ST6GALNAC3: variants seen among roughly 807,000 people sequenced by gnomAD.
ST6GALNAC3 encodes ST6 N-acetylgalactosaminide alpha-2,6-sialyltransferase 3.
Under a neutral mutation model 32.7 loss-of-function variants are expected in ST6GALNAC3, and 25 were observed. The ratio of observed to expected loss-of-function variants is 0.76; its 90% CI spans 0.56 to 1.07. The LOEUF is 1.07. ST6GALNAC3 is among the 50% of genes least tolerant of loss of function. The pLI is 0.00. For missense variants in ST6GALNAC3, 355 were observed against 382.4 expected (o/e 0.93, Z 0.60); for synonymous variants, 129 against 133.1 (o/e 0.97, Z 0.21).
chr1:76,079,036 C>T (rs1646854639), intron 1 of ST6GALNAC3, among the ~76,000 whole-genome samples: 1 of 152,160 alleles, frequency 6.6e-6, no homozygotes, highest in Admixed American at 6.5e-5. Context: ...TGTGCCTTGG[C>T]CTCCCAAAGT....
Position 76,631,125 on chromosome 1 carries a change from A to G in ST6GALNAC3, c.*2319A>G. 3 of 732,528 alleles carry G rather than the reference A, an allele frequency of 4.1e-6. No individual in the cohort carries two copies. The highest frequency in any genetic ancestry group is 5.0e-6 in the Non-Finnish European group (3 of 599,518). The allele number at this position is 732,528 out of a possible 1,614,324, so 45.4% of individuals were successfully genotyped here. ...TATATTGTATCCCTCACTCTATAGC[A>G]GAAGGTGTGTGTGGAATATGTAGAC... On this transcript the variant is annotated 3_prime_UTR_variant, in exon 5 of 5. Coordinates refer to ENST00000328299, the MANE Select transcript of ST6GALNAC3 (RefSeq NM_152996.4).
intron 1 of ST6GALNAC3, among the ~76,000 whole-genome samples, chr1:76,190,403 C>A (rs989689415): frequency 6.6e-6 from 1 of 152,086 alleles, no homozygotes; most frequent in East Asian, 1.9e-4. Flanking sequence ...TTGGAGCATA[C>A]GCCCAGATGC....
intron 3 of ST6GALNAC3, among the ~76,000 whole-genome samples, chr1:76,593,791 A>T (rs1348694357): frequency 2.6e-5 from 4 of 152,138 alleles, no homozygotes; most frequent in Non-Finnish European, 5.9e-5. Context: ...AAGCACTCAC[A>T]CTGGCATCTA....
At chr1:76,344,270 T>G (rs909997433) in intron 2 of ST6GALNAC3, among the ~76,000 whole-genome samples, 7 of 152,192 alleles carry the variant, frequency 4.6e-5, no homozygotes, top group Non-Finnish European at 2.9e-5. Context: ...CTGGCTCTTC[T>G]GGGAAGACAT....
intron 1 of ST6GALNAC3, among the ~76,000 whole-genome samples, chr1:76,204,865 C>T (rs1654733344): frequency 6.6e-6 from 1 of 152,104 alleles, no homozygotes; most frequent in Non-Finnish European, 1.5e-5. Context: ...GTACCAATAG[C>T]CTTGGATTCT....
intron 2 of ST6GALNAC3, among the ~76,000 whole-genome samples, chr1:76,326,726 G>A (rs1647077506): frequency 6.7e-6 from 1 of 150,324 alleles, no homozygotes; most frequent in African/African-American, 2.4e-5. Context: ...AATGATATGT[G>A]TAACTATTTT....
chr1:76,465,646 C>T (rs1482905141), intron 3 of ST6GALNAC3, among the ~76,000 whole-genome samples: 2 of 151,998 alleles, frequency 1.3e-5, no homozygotes, highest in Non-Finnish European at 2.9e-5. Flanking sequence ...TCATATTAGC[C>T]AAACACTGAG....
At chr1:76,087,313 C>A (rs1013252379) in intron 1 of ST6GALNAC3, among the ~76,000 whole-genome samples, 1 of 152,186 alleles carries the variant, frequency 6.6e-6, no homozygotes, top group South Asian at 2.1e-4. Flanking sequence ...ATCCACTATA[C>A]ATTATTTCAG....
chr1:76,496,987 A>T (rs1660889557), intron 3 of ST6GALNAC3, among the ~76,000 whole-genome samples: 1 of 152,130 alleles, frequency 6.6e-6, no homozygotes, highest in Admixed American at 6.6e-5. Flanking sequence ...AAAGTTGAAA[A>T]TTTTGGTATT....
chr1:76,459,507 T>A (rs1658126491), intron 3 of ST6GALNAC3, among the ~76,000 whole-genome samples: 1 of 150,240 alleles, frequency 6.7e-6, no homozygotes, highest in Non-Finnish European at 1.5e-5. Flanking sequence ...GAGCTTGCAG[T>A]GAGTGGAGAT....
chr1:76,412,965 T>C, intron 3 of ST6GALNAC3: 1 of 356,282 alleles, frequency 2.8e-6, no homozygotes, highest in Non-Finnish European at 5.5e-6. Flanking sequence ...TATACGTCCC[T>C]TAAAATCATT....
At chr1:76,529,301 T>C (rs1663106942) in intron 3 of ST6GALNAC3, among the ~76,000 whole-genome samples, 2 of 152,152 alleles carry the variant, frequency 1.3e-5, no homozygotes, top group Non-Finnish European at 1.5e-5. Flanking sequence ...GTCGACCAAG[T>C]ATTTAGATAC....
intron 1 of ST6GALNAC3, chr1:76,310,073 C>T: frequency 6.7e-6 from 3 of 448,902 alleles, no homozygotes; most frequent in South Asian, 3.2e-5. Flanking sequence ...ATATAGCAAC[C>T]AAGAGAACCA....
chr1:76,425,391 C>T (rs1028625063), intron 3 of ST6GALNAC3, among the ~76,000 whole-genome samples: 8 of 151,950 alleles, frequency 5.3e-5, no homozygotes, highest in Non-Finnish European at 8.8e-5. Context: ...CCCTCACCCG[C>T]GTACACTCAC....
intron 1 of ST6GALNAC3, among the ~76,000 whole-genome samples, chr1:76,075,959 G>A (rs1646810512): frequency 6.6e-6 from 1 of 152,148 alleles, no homozygotes; most frequent in Non-Finnish European, 1.5e-5. Flanking sequence ...TACCTGAATC[G>A]TCTTCTAACG....
intron 1 of ST6GALNAC3, among the ~76,000 whole-genome samples, chr1:76,107,529 A>G (rs17609832): frequency 0.024 from 3,689 of 152,302 alleles, 70 homozygotes; most frequent in Non-Finnish European, 0.036. Context: ...TCCTTGCCTT[A>G]TAAATATTCT....
chr1:76,322,740 A>G (rs1194898757), intron 2 of ST6GALNAC3, among the ~76,000 whole-genome samples: 1 of 152,010 alleles, frequency 6.6e-6, no homozygotes, highest in African/African-American at 2.4e-5. Flanking sequence ...AATGTTATCC[A>G]CCACTGCCCC....
intron 3 of ST6GALNAC3, among the ~76,000 whole-genome samples, chr1:76,600,470 C>G (rs1647205871): frequency 6.6e-6 from 1 of 152,140 alleles, no homozygotes; most frequent in South Asian, 2.1e-4. Flanking sequence ...TCACTGAGTA[C>G]TTACATTGTG....
At chr1:76,087,698 C>G (rs540434538) in intron 1 of ST6GALNAC3, among the ~76,000 whole-genome samples, 3 of 152,278 alleles carry the variant, frequency 2.0e-5, no homozygotes, top group East Asian at 3.9e-4. Flanking sequence ...AAAGGTCATA[C>G]TACTAGTAGA....
Sources: allele counts gnomAD v4.1 joint callset (sites outside exome capture counted in the v4.1 genomes callset), GRCh38; gene constraint gnomAD v4.1.1; transcripts MANE v1.5; gene names NCBI Gene and HGNC (gene_info 2026-07-23, HGNC 2026-07-21).